The following CHST8 variants were observed in gnomAD, a reference collection of about 807,000 sequenced individuals.
CHST8 encodes the protein carbohydrate sulfotransferase 8.
Under a neutral mutation model 15.0 loss-of-function variants are expected in CHST8, and 10 were observed. That is an observed-to-expected ratio of 0.67 (90% CI 0.41 to 1.13). The LOEUF is 1.13. Among genes scored for constraint, CHST8 ranks in the 50% most tolerant of loss-of-function variants. CHST8 has a pLI of 0.00. For missense variants in CHST8, 634 were observed against 608.2 expected, an observed-to-expected ratio of 1.04 and a Z score of -0.45; for synonymous variants, 259 against 256.6, an observed-to-expected ratio of 1.01 and a Z score of -0.09.
intron 3 of CHST8, among the ~76,000 whole-genome samples, chr19:33,714,385 G>A (rs1973621330): frequency 6.6e-6 from 1 of 152,184 alleles, no homozygotes; most frequent in Non-Finnish European, 1.5e-5. Context: ...ATTATCCTAA[G>A]TGAAATAACT....
At chr19:33,743,592 C>T (rs994153540) in intron 3 of CHST8, among the ~76,000 whole-genome samples, 4 of 151,844 alleles carry the variant, frequency 2.6e-5, no homozygotes, top group African/African-American at 4.8e-5. Flanking sequence ...TGAGCCACTG[C>T]GCCCGGCCTA....
At chr19:33,756,388 G>A (rs1974547585) in intron 3 of CHST8, among the ~76,000 whole-genome samples, 1 of 152,174 alleles carries the variant, frequency 6.6e-6, no homozygotes, top group Admixed American at 6.5e-5. Context: ...CCCAGATCTG[G>A]CTAATGGACA....
rs1975055176 is a variant in CHST8, at chr19:33,773,416, T to C, written c.*353T>C. Reference sequence around the variant, plus strand: ...TCCCGCACTCCCTTAGCCATTGCCTTGGACCAAACCACGTGGTTTGCAGCT... The same window carrying C: ...TCCCGCACTCCCTTAGCCATTGCCTCGGACCAAACCACGTGGTTTGCAGCT... On this transcript the variant is annotated 3_prime_UTR_variant, in exon 5 of 5. Transcript: ENST00000650847. 1.5e-5 allele frequency: 4 copies of C among 272,030 alleles called. 1 individual carries two copies. The highest frequency in any genetic ancestry group is 9.7e-5 in the Admixed American group (2 of 20,692). 16.9% of individuals were successfully genotyped at this position (272,030 alleles called of 1,614,324 possible).
chr19:33,667,003 G>C (rs1286599759), intron 1 of CHST8, among the ~76,000 whole-genome samples: 1 of 152,108 alleles, frequency 6.6e-6, no homozygotes, highest in Non-Finnish European at 1.5e-5. Flanking sequence ...TTCTGAAAGG[G>C]ACCCCAGGGA....
chr19:33,628,813 G>A (rs1343000957), intron 1 of CHST8, among the ~76,000 whole-genome samples: 1 of 152,166 alleles, frequency 6.6e-6, no homozygotes, highest in Admixed American at 6.5e-5. Flanking sequence ...GGTGTGGGAG[G>A]GGATGTGGTA....
intron 2 of CHST8, among the ~76,000 whole-genome samples, chr19:33,682,582 A>G (rs951427926): frequency 9.2e-5 from 14 of 152,282 alleles, no homozygotes; most frequent in African/African-American, 3.4e-4. Context: ...GTCCCTGGTA[A>G]CCTGCATTCT....
At chr19:33,716,401 C>T (rs1469111656) in intron 3 of CHST8, among the ~76,000 whole-genome samples, 1 of 152,140 alleles carries the variant, frequency 6.6e-6, no homozygotes, top group Non-Finnish European at 1.5e-5. Flanking sequence ...GGGTCTCACT[C>T]GGTCACCCAG....
Position 33,772,773 on chromosome 19 carries a change from G to A in CHST8, c.985G>A (p.Asp329Asn), listed in dbSNP as rs1362900213. 2 of 1,613,472 alleles carry A rather than the reference G, an allele frequency of 1.2e-6. No homozygotes were observed. Among genetic ancestry groups the A allele is most frequent in the Non-Finnish European group, 1.7e-6 (2 of 1,180,028 alleles). The change falls in exon 5 of 5, where the codon GAC (aspartate) becomes AAC (asparagine). Residue 329 changes from aspartate to asparagine, a missense_variant. Coordinates refer to ENST00000650847, the MANE Select transcript of CHST8 (RefSeq NM_001127895.2). Reference protein sequence around the residue: ...HRPVGMDIHWDHVSRLCSPCL... With the variant: ...HRPVGMDIHWNHVSRLCSPCL... ...GCCCGTGGGGATGGACATTCACTGG[G>A]ACCATGTCAGCCGGCTCTGCAGCCC...
rs547393479 is a variant in CHST8 at position 33,736,397 on chromosome 19, C to T, written c.131-35016C>T. On this transcript the variant is annotated intron_variant, in intron 3 of 4. Coordinates refer to ENST00000650847, the MANE Select transcript of CHST8 (RefSeq NM_001127895.2). ...GCTAACCGCTCCCAGGCCTGCCTCCCTGTGGATGATTTGCACCAGGCTGTT... is the reference window on the plus strand; with the variant it reads ...GCTAACCGCTCCCAGGCCTGCCTCCTTGTGGATGATTTGCACCAGGCTGTT... Among the ~76,000 whole-genome samples, 507 of 152,314 alleles carry T rather than the reference C, an allele frequency of 3.3e-3. 3 individuals are homozygous for T. Among genetic ancestry groups the T allele is most frequent in the South Asian group, 0.018 (85 of 4,828 alleles).
chr19:33,743,551 T>C (rs934837030), intron 3 of CHST8, among the ~76,000 whole-genome samples: 4 of 152,004 alleles, frequency 2.6e-5, no homozygotes, highest in African/African-American at 9.7e-5. Context: ...TCTGCCCACC[T>C]CGGCCTCCCA....
intron 3 of CHST8, among the ~76,000 whole-genome samples, chr19:33,754,682 C>T (rs1250510706): frequency 2.6e-5 from 4 of 152,212 alleles, no homozygotes; most frequent in East Asian, 3.9e-4. Context: ...GCCTCTGCCA[C>T]GTCTCACAGG....
chr19:33,736,066 G>A lies in CHST8; in HGVS notation c.131-35347G>A, dbSNP rs112841931. Among the ~76,000 whole-genome samples the A allele has an allele frequency of 2.6e-3, 391 of 152,292 alleles. 1 individual carries two copies. Among genetic ancestry groups the A allele is most frequent in the African/African-American group, 8.9e-3 (368 of 41,566 alleles). The stretch of plus-strand genomic sequence containing the variant: ...TGGTGACAGAGACAGACATGGGGCC[G>A]GGATCCCAGGCCCAGCCTGCGCTTG... On this transcript the variant is annotated intron_variant, in intron 3 of 4. Coordinates refer to ENST00000650847, the MANE Select transcript of CHST8 (RefSeq NM_001127895.2).
Position 33,772,940 on chromosome 19 carries a change from A to G in CHST8, c.1152A>G (p.Thr384=), listed in dbSNP as rs1975039295. ...KDRHSQEART[T]ARIAHQYFAQ... ...GGCACTCGCAGGAGGCGCGGACCACAGCGAGGATCGCCCACCAGTACTTCG... is the reference window on the plus strand; with the variant it reads ...GGCACTCGCAGGAGGCGCGGACCACGGCGAGGATCGCCCACCAGTACTTCG... The change falls in exon 5 of 5, where the codon ACA becomes ACG. Residue 384 remains threonine (T), a synonymous_variant. Transcript: ENST00000650847. 1 of 1,613,452 alleles carries G rather than the reference A, an allele frequency of 6.2e-7. No homozygotes were observed. The highest frequency in any genetic ancestry group is 2.2e-5 in the East Asian group (1 of 44,880).
intron 2 of CHST8, among the ~76,000 whole-genome samples, chr19:33,684,263 G>A (rs771574911): frequency 1.3e-5 from 2 of 152,164 alleles, no homozygotes; most frequent in African/African-American, 2.4e-5. Flanking sequence ...GCATGGGGCT[G>A]GGGGGGAGTG....
At chr19:33,683,342 T>G (rs1225431734) in intron 2 of CHST8, among the ~76,000 whole-genome samples, 1 of 152,224 alleles carries the variant, frequency 6.6e-6, no homozygotes, top group Non-Finnish European at 1.5e-5. Flanking sequence ...AATCAACATT[T>G]GTCTTTAAAA....
intron 1 of CHST8, among the ~76,000 whole-genome samples, chr19:33,623,389 G>A (rs1177141477): frequency 6.6e-6 from 1 of 152,192 alleles, no homozygotes; most frequent in African/African-American, 2.4e-5. Context: ...CGCGCGTCCC[G>A]GCCCCTCTCC....
At chr19:33,657,270 CT>C (rs60317430) in intron 1 of CHST8, among the ~76,000 whole-genome samples, 12,183 of 140,346 alleles carry the variant, frequency 0.087, 699 homozygotes, top group East Asian at 0.39. Flanking sequence ...CACACACACA[CT>C]TTTTTTTTTT....
chr19:33,691,711 T>C (rs969734816), intron 3 of CHST8, among the ~76,000 whole-genome samples: 4 of 152,254 alleles, frequency 2.6e-5, no homozygotes, highest in African/African-American at 7.2e-5. Flanking sequence ...TGTGTCCAGT[T>C]GCATGGCTGG....
chr19:33,650,501 C>CTTTTCTTTTTTTT lies in CHST8; in HGVS notation c.-163-17262_-163-17261insCTTTTTTTTTTTT, dbSNP rs1972424942. Among the ~76,000 whole-genome samples the CTTTTCTTTTTTTT allele has an allele frequency of 9.8e-5, 5 of 50,930 alleles. 1 individual carries two copies. Among genetic ancestry groups the CTTTTCTTTTTTTT allele is most frequent in the African/African-American group, 3.6e-4 (5 of 14,026 alleles). The allele number at this position is 50,930 out of a possible 152,430, so 33.4% of individuals were successfully genotyped here. A position where few individuals can be genotyped will look rare whatever the true frequency, so the allele number is the denominator to read the frequency against. On this transcript the variant is annotated intron_variant, in intron 1 of 4. Transcript: ENST00000650847. ...AGTTTCTTTTTTTTCTTTTCTTTTT[C>CTTTTCTTTTTTTT]TTTTTCTTTTTCTTTTCTTTTTTTT...
Sources: allele counts gnomAD v4.1 joint callset (sites outside exome capture counted in the v4.1 genomes callset), GRCh38; gene constraint gnomAD v4.1.1; transcripts MANE v1.5; gene names NCBI Gene and HGNC (gene_info 2026-07-23, HGNC 2026-07-21).